The following ASPM variants were observed in gnomAD, a reference collection of about 807,000 sequenced individuals.
The protein encoded by ASPM is assembly factor for spindle microtubules, also known as abnormal spindle-like microcephaly-associated protein.
Under a neutral mutation model 366.4 loss-of-function variants are expected in ASPM, and 256 were observed. The observed-to-expected ratio is 0.70, with a 90% CI of 0.63 to 0.77. The LOEUF (loss-of-function observed/expected upper bound fraction) is 0.77, where lower values mean the gene tolerates loss of function less well. Ranked by LOEUF, ASPM falls within the 30% of genes least tolerant of loss-of-function variation. The pLI is 0.00. For synonymous variants in ASPM, 1,414 were observed against 1,342.9 expected, an observed-to-expected ratio of 1.05 and a Z score of -1.16; for missense variants, 4,146 against 4,090.4, an observed-to-expected ratio of 1.01 and a Z score of -0.37.
At chr1:197,144,437 C>T (rs1238563833) in intron 1 of ASPM, among the ~76,000 whole-genome samples, 3 of 152,122 alleles carry the variant, frequency 2.0e-5, no homozygotes, top group Admixed American at 6.5e-5. Context: ...ACTTCTACTT[C>T]AAACACAAGG....
chr1:197,125,198 GTAA>G lies in ASPM; in HGVS notation c.2937-10_2937-8del, dbSNP rs754524120. The G allele has an allele frequency of 6.2e-7, 1 of 1,613,676 alleles. No homozygotes were observed. The highest frequency in any genetic ancestry group is 2.2e-5 in the East Asian group (1 of 44,842). ...GAGAAGTTCCATGGTTCGCCTGGCA[GTAA>G]TAAAATGTTCAGATGAAATTATCAT... On this transcript the variant is annotated splice_region_variant and splice_polypyrimidine_tract_variant and intron_variant, in intron 10 of 27. Transcript: ENST00000367409.
intron 22 of ASPM, among the ~76,000 whole-genome samples, chr1:197,091,253 C>A (rs1008333988): frequency 6.6e-6 from 1 of 151,814 alleles, no homozygotes; most frequent in Non-Finnish European, 1.5e-5. Flanking sequence ...TGTGCACACA[C>A]ATGCACAGGA....
intron 22 of ASPM, 65 bp from the exon 23 acceptor site, chr1:197,091,106 T>C: frequency 8.3e-7 from 1 of 1,209,628 alleles, no homozygotes; most frequent in East Asian, 2.5e-5. Flanking sequence ...AATATACAAA[T>C]ATACATTTAT....
chr1:197,096,207 C>CT lies in ASPM; in HGVS notation c.8821-44dup, dbSNP rs199941326. On this transcript the variant is annotated intron_variant, in intron 18 of 27. Coordinates refer to ENST00000367409, the MANE Select transcript of ASPM (RefSeq NM_018136.5). The stretch of plus-strand genomic sequence containing the variant: ...ATAACAAGTATGCAATGAGTTGTCT[C>CT]TTTTTTTTTGTAAATAAGACAAATC... 3,067 of 1,473,134 alleles carry CT rather than the reference C, an allele frequency of 2.1e-3. 20 individuals are homozygous for CT. In the African/African-American group the frequency reaches 0.025, roughly 12 times the overall value. The allele number at this position is 1,473,134 out of a possible 1,614,324, so 91.3% of individuals were successfully genotyped here.
chr1:197,141,110 T>C (rs1658565038), intron 3 of ASPM, among the ~76,000 whole-genome samples: 1 of 152,050 alleles, frequency 6.6e-6, no homozygotes, highest in Admixed American at 6.5e-5. Flanking sequence ...CTACATCCAT[T>C]CCCCATGCAA....
At chr1:197,095,564 T>C (rs1485667569) in intron 19 of ASPM, among the ~76,000 whole-genome samples, 1 of 151,658 alleles carries the variant, frequency 6.6e-6, no homozygotes, top group African/African-American at 2.4e-5. Context: ...TCTTCATCAT[T>C]AATGACAAAG....
At chr1:197,125,323 A>C in intron 10 of ASPM, 132 bp from the exon 11 acceptor site, 1 of 1,118,980 alleles carries the variant, frequency 8.9e-7, no homozygotes, top group Non-Finnish European at 1.3e-6. Flanking sequence ...ACTTCAAAAA[A>C]CTATCTCAAA....
rs183409269 is a variant in ASPM, at chr1:197,084,222, C to A, written c.*102G>T. ...AGTTTATGTTTTTTTAAAACAAAGT[C>A]AGATTTTAAAAGTTGTACACGGAGA... is the stretch of plus-strand genomic sequence containing the variant. On this transcript the variant is annotated 3_prime_UTR_variant, in exon 28 of 28. Transcript: ENST00000367409. 2.4e-6 allele frequency: 2 copies of A among 818,120 alleles called. No homozygotes were observed. Among genetic ancestry groups the A allele is most frequent in the South Asian group, 1.5e-5 (1 of 66,584 alleles). 50.7% of individuals were successfully genotyped at this position (818,120 alleles called of 1,614,324 possible).
chr1:197,121,923 G>A lies in ASPM; in HGVS notation c.3862C>T (p.Arg1288Cys), dbSNP rs746570662. 3.0e-5 allele frequency: 49 copies of A among 1,608,546 alleles called. No homozygotes were observed. Among genetic ancestry groups the A allele is most frequent in the East Asian group, 6.7e-5 (3 of 44,770 alleles). ...RKYKLKTDLK[R>C]HQEREKAARI... ...TCATATTCTAGGAGTACCTGATGGC[G>A]TTTGAGATCTGTTTTTAGTTTATAT... Residue 1288 changes from arginine to cysteine, a missense_variant, in exon 16 of 28, where the codon CGC becomes TGC. By Grantham distance (180) the Arg-to-Cys change is radical (BLOSUM62 -3). Around this residue, in one of 3 missense-constraint regions of ASPM, gnomAD observed 3,624 missense variants for 3,591.7 expected, o/e 1.01. Coordinates refer to ENST00000367409, the MANE Select transcript of ASPM (RefSeq NM_018136.5).
At chr1:197,118,157 C>T (rs1657798492) in intron 16 of ASPM, among the ~76,000 whole-genome samples, 174 bp from the exon 17 acceptor site, 1 of 152,070 alleles carries the variant, frequency 6.6e-6, no homozygotes, top group Non-Finnish European at 1.5e-5. Flanking sequence ...GTCGAAAGCG[C>T]TGATAGGTGG....
chr1:197,133,614 A>C lies in ASPM; in HGVS notation c.2174-19T>G. ...GCATTTACTGGGTAAAAACAAAAGA[A>C]AGAATGTTTCTGGTTAAACAATATC... On this transcript the variant is annotated intron_variant, in intron 5 of 27. Transcript: ENST00000367409. 3.1e-6 allele frequency: 5 copies of C among 1,610,158 alleles called. No homozygotes were observed. Among genetic ancestry groups the C allele is most frequent in the Non-Finnish European group, 4.2e-6 (5 of 1,176,740 alleles).
At position 197,133,611 on chromosome 1, in the gene ASPM, A is replaced by C. The variant is rs781573105; in HGVS notation, c.2174-16T>G. The stretch of plus-strand genomic sequence containing the variant: ...GCAGCATTTACTGGGTAAAAACAAA[A>C]GAAAGAATGTTTCTGGTTAAACAAT... On this transcript the variant is annotated splice_polypyrimidine_tract_variant and intron_variant, in intron 5 of 27. Coordinates refer to ENST00000367409, the MANE Select transcript of ASPM (RefSeq NM_018136.5). 3 of 1,610,530 alleles carry C rather than the reference A, an allele frequency of 1.9e-6. No individual in the cohort carries two copies. In the African/African-American group the frequency reaches 4.0e-5, roughly 22 times the overall value.
intron 7 of ASPM, among the ~76,000 whole-genome samples, chr1:197,131,408 T>C (rs1658249276): frequency 6.6e-6 from 1 of 152,192 alleles, no homozygotes; most frequent in Non-Finnish European, 1.5e-5. Flanking sequence ...AATAGTATCT[T>C]TCTAATTCAG....
intron 8 of ASPM, 54 bp from the exon 9 acceptor site, chr1:197,129,371 A>G: frequency 6.4e-7 from 1 of 1,554,560 alleles, no homozygotes. Flanking sequence ...GGTAGGTTTC[A>G]TCTTAAAATA....
At chr1:197,092,244 G>A (rs1656809222) in intron 21 of ASPM, among the ~76,000 whole-genome samples, 188 bp from the exon 22 acceptor site, 1 of 151,518 alleles carries the variant, frequency 6.6e-6, no homozygotes, top group South Asian at 2.1e-4. Context: ...ATTTCCAGTA[G>A]TGTAACTCAT....
At position 197,088,303 on chromosome 1, in the gene ASPM, T is replaced by C. The variant is rs1656663697; in HGVS notation, c.10114A>G (p.Thr3372Ala). ...AGTAAAATAGCCAACAAACAACAAG[T>C]TTTTGTAAAAATGCTTCCGCCTTTG... ...ADKGGSIFTK[T>A]CCLLAILLKT... Residue 3372 changes from threonine (T) to alanine (A), a missense_variant, in exon 26 of 28, where the codon ACT becomes GCT. By Grantham distance (58) the Thr-to-Ala change is moderately conservative. Coordinates refer to ENST00000367409, the MANE Select transcript of ASPM (RefSeq NM_018136.5). The C allele has an allele frequency of 6.2e-7, 1 of 1,613,456 alleles. No individual in the cohort carries two copies. Among genetic ancestry groups the C allele is most frequent in the Non-Finnish European group, 8.5e-7 (1 of 1,179,736 alleles).
chr1:197,102,598 GTTT>G lies in ASPM; in HGVS notation c.6650_6652del (p.Lys2217del). On this transcript the variant is annotated inframe_deletion, in exon 18 of 28. Transcript: ENST00000367409. ...CATTGCCCAGTATCTTTGCTGTACTGTTTTTGTTATTTTCTTTAACTTATTAAA... is the reference window on the plus strand; with the variant it reads ...CATTGCCCAGTATCTTTGCTGTACTGTTGTTATTTTCTTTAACTTATTAAA... The G allele has an allele frequency of 1.9e-6, 3 of 1,612,158 alleles. No homozygotes were observed. The highest frequency in any genetic ancestry group is 2.5e-6 in the Non-Finnish European group (3 of 1,179,092).
rs1462284532 is a variant in ASPM, at chr1:197,143,128, T to C, written c.1124A>G (p.Asn375Ser). 6.2e-7 allele frequency: 1 copy of C among 1,612,912 alleles called. No homozygotes were observed. The change falls in exon 3 of 28, where the codon AAT becomes AGT. Residue 375 changes from asparagine (N) to serine (S), a missense_variant. This residue lies in a region of ASPM where 512 missense variants were observed against 471.7 expected (regional missense o/e 1.09). Coordinates refer to ENST00000367409, the MANE Select transcript of ASPM (RefSeq NM_018136.5). ...TTCTAGATCCTGATTTAGTCCATAA[T>C]TATCTTTTATGAAAGAATCTGGACT... Reference protein sequence around the residue: ...ILSPDSFIKDNYGLNQDLESE... With the variant: ...ILSPDSFIKDSYGLNQDLESE...
rs770668798 is a variant in ASPM at position 197,142,551 on chromosome 1, T to C, written c.1701A>G (p.Thr567=). The part of the protein sequence containing the change: ...SYKNEVTPSS[T]TASVARKRKS... ...TTCTTTTCCGAGCAACTGAAGCTGT[T>C]GTCGAAGAGGGTGTTACCTCGTTTT... The change falls in exon 3 of 28, where the codon ACA becomes ACG. Residue 567 remains threonine (T), a synonymous_variant. Transcript: ENST00000367409. 3.1e-6 allele frequency: 5 copies of C among 1,614,038 alleles called. No homozygotes were observed. Among genetic ancestry groups the C allele is most frequent in the South Asian group, 1.1e-5 (1 of 91,082 alleles).
Sources: allele counts gnomAD v4.1 joint callset (sites outside exome capture counted in the v4.1 genomes callset), GRCh38; gene constraint gnomAD v4.1.1; regional missense constraint gnomAD v4.1.1; transcripts MANE v1.5; gene names NCBI Gene and HGNC (gene_info 2026-07-23, HGNC 2026-07-21).